The following SETBP1 variants were observed in gnomAD, a reference collection of about 807,000 sequenced individuals.
SETBP1 encodes the protein SET binding protein 1, also known as SET-binding protein.
In SETBP1, 9 loss-of-function variants were observed where a neutral mutation model predicts 101.0. That is an observed-to-expected ratio of 0.09 (90% CI 0.05 to 0.16). The LOEUF (loss-of-function observed/expected upper bound fraction) is 0.16. Ranked by LOEUF, SETBP1 falls within the 10% of genes least tolerant of loss-of-function variation. The pLI, the probability that SETBP1 is intolerant of heterozygous loss-of-function variation, is 1.00. For synonymous variants in SETBP1, 818 were observed against 788.5 expected, an observed-to-expected ratio of 1.04 and a Z score of -0.63; for missense variants, 1,858 against 2,033.8, an observed-to-expected ratio of 0.91 and a Z score of 1.66.
intron 4 of SETBP1, among the ~76,000 whole-genome samples, chr18:44,955,696 C>T (rs1259111077): frequency 1.3e-5 from 2 of 152,152 alleles, no homozygotes; most frequent in African/African-American, 4.8e-5. Flanking sequence ...CTGCACTGAA[C>T]CTTGACTGCC....
chr18:44,987,667 T>C (rs2072270398), intron 4 of SETBP1: 1 of 152,188 alleles, frequency 6.6e-6, no homozygotes, highest in African/African-American at 2.4e-5. Context: ...TCAGCAATGA[T>C]TGGTTTGGTT....
At chr18:44,996,963 A>AGCTGACGG (rs1204309704) in intron 4 of SETBP1, among the ~76,000 whole-genome samples, 1 of 152,242 alleles carries the variant, frequency 6.6e-6, no homozygotes, top group Non-Finnish European at 1.5e-5. Flanking sequence ...GGAGTATCCC[A>AGCTGACGG]GAGTGTTTCC....
At chr18:44,835,930 A>G (rs2072485719) in intron 2 of SETBP1, among the ~76,000 whole-genome samples, 1 of 152,274 alleles carries the variant, frequency 6.6e-6, no homozygotes, top group South Asian at 2.1e-4. Flanking sequence ...TCAAGAGGAA[A>G]GGCATTCTGT....
chr18:44,784,273 T>C (rs557198692), intron 2 of SETBP1, among the ~76,000 whole-genome samples: 1 of 152,372 alleles, frequency 6.6e-6, no homozygotes, highest in East Asian at 1.9e-4. Context: ...TGTCCCCATC[T>C]TTTTTCATTC....
In SETBP1 at chr18:44,899,346, A is replaced by G. The variant is rs1176048566; in HGVS notation, c.540+30063A>G. 3.3e-5 allele frequency among the ~76,000 whole-genome samples: 5 copies of G among 152,336 alleles called. No homozygotes were observed. In the East Asian group the frequency reaches 5.8e-4, roughly 18 times the overall value. On this transcript the variant is annotated intron_variant, in intron 3 of 5. Coordinates refer to ENST00000649279, the MANE Select transcript of SETBP1 (RefSeq NM_015559.3). ...ACTTTTTTGGGGAATAGAGAGAGGC[A>G]TTCCTCCCCAAAGGAGATCATAACC...
At position 44,955,743 on chromosome 18, in the gene SETBP1, C is replaced by T. The variant is rs149419976; in HGVS notation, c.4000+2403C>T. ...AAGCTAGTGAAAGCTGTGTTTAGAACACAGCTCTTGGTGCCCAGTCCAGTG... is the reference window on the plus strand; with the variant it reads ...AAGCTAGTGAAAGCTGTGTTTAGAATACAGCTCTTGGTGCCCAGTCCAGTG... On this transcript the variant is annotated intron_variant, in intron 4 of 5. Transcript: ENST00000649279. Among the ~76,000 whole-genome samples, 1,405 of 152,206 alleles carry T rather than the reference C, an allele frequency of 9.2e-3. 9 individuals are homozygous for T. Among genetic ancestry groups the T allele is most frequent in the Non-Finnish European group, 0.015 (1,032 of 67,988 alleles).
intron 3 of SETBP1, among the ~76,000 whole-genome samples, chr18:44,892,158 T>G (rs1461387383): frequency 1.3e-5 from 2 of 152,168 alleles, no homozygotes; most frequent in Non-Finnish European, 2.9e-5. Context: ...GCCTAAATTA[T>G]CTCCAAATTG....
At chr18:44,918,040 G>C (rs1186678300) in intron 3 of SETBP1, among the ~76,000 whole-genome samples, 1 of 152,132 alleles carries the variant, frequency 6.6e-6, no homozygotes, top group Non-Finnish European at 1.5e-5. Context: ...TTTGTATTTT[G>C]GAGGGCTTAG....
intron 3 of SETBP1, among the ~76,000 whole-genome samples, chr18:44,925,049 T>C (rs2070674050): frequency 7.6e-6 from 1 of 130,968 alleles, no homozygotes; most frequent in African/African-American, 2.9e-5. Context: ...GAGAATGAGC[T>C]AAATTTTCCA....
intron 1 of SETBP1, among the ~76,000 whole-genome samples, chr18:44,682,703 G>A (rs1003078022): frequency 5.9e-5 from 9 of 152,200 alleles, no homozygotes; most frequent in African/African-American, 2.2e-4. Context: ...GTTAAACAGA[G>A]TATTTGCAAA....
chr18:44,720,676 A>T (rs562984916), intron 2 of SETBP1, among the ~76,000 whole-genome samples: 11 of 152,266 alleles, frequency 7.2e-5, no homozygotes, highest in Non-Finnish European at 1.5e-4. Context: ...ATGGAGGAAG[A>T]AGCTTGAGTG....
chr18:45,020,350 A>G lies in SETBP1; in HGVS notation c.4001-18135A>G, dbSNP rs1720042675. Among the ~76,000 whole-genome samples the G allele has an allele frequency of 2.0e-5, 3 of 149,536 alleles. No homozygotes were observed. The Admixed American group carries it at 2.0e-4, about 10-fold the overall frequency. On this transcript the variant is annotated intron_variant, in intron 4 of 5. Transcript: ENST00000649279. ...CATGTCCTTCTGAGTCACTTTTACT[A>G]TGAGGCACCCACACTTACATCATAG...
At chr18:45,023,616 T>C (rs1263076451) in intron 4 of SETBP1, among the ~76,000 whole-genome samples, 1 of 152,236 alleles carries the variant, frequency 6.6e-6, no homozygotes, top group Non-Finnish European at 1.5e-5. Flanking sequence ...GTTCCAGCGT[T>C]CAGAGAGTTC....
chr18:44,907,775 A>C (rs2070209603), intron 3 of SETBP1, among the ~76,000 whole-genome samples: 1 of 151,944 alleles, frequency 6.6e-6, no homozygotes, highest in Non-Finnish European at 1.5e-5. Flanking sequence ...GACTTGCAAA[A>C]TTTTCCTTTT....
intron 2 of SETBP1, among the ~76,000 whole-genome samples, chr18:44,728,244 G>T (rs1376979588): frequency 6.6e-6 from 1 of 152,228 alleles, no homozygotes; most frequent in African/African-American, 2.4e-5. Context: ...GAGACAGGCA[G>T]AAGTAGAAAC....
Position 44,722,156 on chromosome 18 carries a change from C to G in SETBP1, c.486+20324C>G, listed in dbSNP as rs527845872. 4.7e-5 allele frequency among the ~76,000 whole-genome samples: 7 copies of G among 147,408 alleles called. No individual in the cohort carries two copies. The South Asian group carries it at 1.5e-3, about 32-fold the overall frequency. Reference sequence around the variant, plus strand: ...TCTGCGTGGACATGCATGTGTGTACCGAAAAGAGCCCAGCATTGGTATGAC... The same window carrying G: ...TCTGCGTGGACATGCATGTGTGTACGGAAAAGAGCCCAGCATTGGTATGAC... On this transcript the variant is annotated intron_variant, in intron 2 of 5. Coordinates refer to ENST00000649279, the MANE Select transcript of SETBP1 (RefSeq NM_015559.3).
intron 2 of SETBP1, among the ~76,000 whole-genome samples, chr18:44,789,714 G>A (rs1424276224): frequency 6.6e-6 from 1 of 152,162 alleles, no homozygotes; most frequent in Non-Finnish European, 1.5e-5. Flanking sequence ...ATCTATGAAC[G>A]GAGAAGGGAG....
At chr18:44,761,391 T>C (rs1164210686) in intron 2 of SETBP1, among the ~76,000 whole-genome samples, 3 of 152,250 alleles carry the variant, frequency 2.0e-5, no homozygotes, top group Non-Finnish European at 4.4e-5. Flanking sequence ...TATAACTTTG[T>C]ACCCATTGGC....
At chr18:44,863,546 A>T (rs761391343) in intron 2 of SETBP1, among the ~76,000 whole-genome samples, 5 of 152,196 alleles carry the variant, frequency 3.3e-5, no homozygotes, top group Non-Finnish European at 7.3e-5. Flanking sequence ...TTCAACTTCC[A>T]TTCTAGAGCC....
Sources: gnomAD v4.1 joint callset for allele counts (sites outside exome capture counted in the v4.1 genomes callset) on GRCh38, gnomAD v4.1.1 for gene constraint, MANE v1.5 for transcripts, NCBI Gene and HGNC (gene_info 2026-07-23, HGNC 2026-07-21) for gene names.